Variants in UNC5C observed in about 807,000 individuals in gnomAD.
UNC5C encodes the protein netrin receptor UNC5C.
A neutral mutation model predicts 99.8 loss-of-function variants in UNC5C; 47 were observed. That is an observed-to-expected ratio of 0.47 (90% CI 0.37 to 0.60). UNC5C has a LOEUF of 0.60. UNC5C is among the 20% of genes least tolerant of loss of function. UNC5C has a pLI of 0.00. For missense variants in UNC5C, 1,062 were observed against 1,165.9 expected (o/e 0.91, Z 1.30); for synonymous variants, 487 against 452.2 (o/e 1.08, Z -0.98).
In UNC5C at chr4:95,183,052, A is replaced by T; in HGVS notation, c.2296T>A (p.Phe766Ile). Residue 766 changes from phenylalanine to isoleucine, a missense_variant, in exon 14 of 16, where the codon TTT becomes ATT. Phe to Ile is a conservative substitution (Grantham distance 21). Coordinates refer to ENST00000453304, the MANE Select transcript of UNC5C (RefSeq NM_003728.4). ...KLLAKYQEIP[F>I]YHVWSGSQRN... ...TGAGATCCACTCCAAACATGGTAAA[A>T]TGGAATTTCCTAAAGGATATGAAAG... 6.2e-7 allele frequency: 1 copy of T among 1,605,656 alleles called. No individual in the cohort carries two copies. The highest frequency in any genetic ancestry group is 8.5e-7 in the Non-Finnish European group (1 of 1,173,320).
At chr4:95,320,370 G>A (rs983760203) in intron 2 of UNC5C, among the ~76,000 whole-genome samples, 3 of 147,790 alleles carry the variant, frequency 2.0e-5, no homozygotes, top group African/African-American at 5.0e-5. Context: ...TGCAGTGAGC[G>A]GAGATCATGC....
intron 1 of UNC5C, among the ~76,000 whole-genome samples, chr4:95,365,684 T>C (rs1422297858): frequency 6.6e-6 from 1 of 152,060 alleles, no homozygotes; most frequent in East Asian, 1.9e-4. Context: ...CAGATCAATT[T>C]CTAACATACA....
intron 11 of UNC5C, among the ~76,000 whole-genome samples, chr4:95,205,678 T>C (rs112538154): frequency 1.4e-3 from 215 of 150,442 alleles, no homozygotes; most frequent in African/African-American, 5.0e-3. Context: ...AGTATAAATG[T>C]ATAGTATAGT....
intron 1 of UNC5C, among the ~76,000 whole-genome samples, chr4:95,381,586 A>T (rs555982323): frequency 2.2e-4 from 33 of 152,366 alleles, no homozygotes; most frequent in Admixed American, 1.9e-3. Flanking sequence ...TAACAAAAAA[A>T]TTAAATTTGG....
intron 4 of UNC5C, among the ~76,000 whole-genome samples, chr4:95,261,735 G>T (rs919808774): frequency 8.3e-5 from 12 of 145,172 alleles, no homozygotes. Flanking sequence ...ACGGTGTCTC[G>T]CTCTGTCGCC....
chr4:95,169,668 C>T (rs1736010019), intron 15 of UNC5C, among the ~76,000 whole-genome samples: 1 of 152,170 alleles, frequency 6.6e-6, no homozygotes, highest in Admixed American at 6.5e-5. Flanking sequence ...AATCAAGAGA[C>T]TTATGTTTTC....
chr4:95,308,270 C>T (rs941648856), intron 2 of UNC5C, among the ~76,000 whole-genome samples: 1 of 151,934 alleles, frequency 6.6e-6, no homozygotes, highest in Non-Finnish European at 1.5e-5. Context: ...GACACAAAAT[C>T]AACATATAAA....
chr4:95,429,522 C>A (rs1353479827), intron 1 of UNC5C, among the ~76,000 whole-genome samples: 1 of 151,866 alleles, frequency 6.6e-6, no homozygotes, highest in Non-Finnish European at 1.5e-5. Flanking sequence ...AAACTCAAAT[C>A]CTCCCACTTT....
At chr4:95,528,942 T>C (rs10021966) in intron 1 of UNC5C, among the ~76,000 whole-genome samples, 23,483 of 152,170 alleles carry the variant, frequency 0.15, 1,957 homozygotes, top group Admixed American at 0.24. Flanking sequence ...GATTTTTTTT[T>C]CTGAAAATTA....
Position 95,185,140 on chromosome 4 carries a change from A to G in UNC5C, c.2193T>C (p.Ala731=), listed in dbSNP as rs1456794496. The G allele has an allele frequency of 3.1e-6, 5 of 1,613,952 alleles. No individual in the cohort carries two copies. The South Asian group carries it at 5.5e-5, about 18-fold the overall frequency. Residue 731 remains alanine (A), a synonymous_variant, in exon 13 of 16, where the codon GCT becomes GCC. Coordinates refer to ENST00000453304, the MANE Select transcript of UNC5C (RefSeq NM_003728.4). ...MGGQLLEEPK[A]LHFKGSTHNL... is the part of the protein sequence containing the mutation. Reference sequence around the variant, plus strand: ...TGTGGGTGCTGCCTTTAAAATGAAGAGCCTTAGGTTCTTCTAGGAGCTGTC... The same window carrying G: ...TGTGGGTGCTGCCTTTAAAATGAAGGGCCTTAGGTTCTTCTAGGAGCTGTC...
In UNC5C at chr4:95,499,679, C is replaced by G. The variant is rs189325585; in HGVS notation, c.124+49055G>C. On this transcript the variant is annotated intron_variant, in intron 1 of 15. Coordinates refer to ENST00000453304, the MANE Select transcript of UNC5C (RefSeq NM_003728.4). The stretch of plus-strand genomic sequence containing the variant: ...GAGTCAATTACAGGAAACCTAAACC[C>G]CTTCAGTCTTCCAGGGAGACCAAAC... 8.9e-4 allele frequency among the ~76,000 whole-genome samples: 135 copies of G among 152,160 alleles called. 2 individuals carry two copies. In the Middle Eastern group the frequency reaches 0.02, roughly 23 times the overall value.
At chr4:95,461,566 A>G (rs965271832) in intron 1 of UNC5C, among the ~76,000 whole-genome samples, 2 of 152,240 alleles carry the variant, frequency 1.3e-5, no homozygotes, top group African/African-American at 4.8e-5. Context: ...GATTAATAGA[A>G]TTAACTGTTA....
chr4:95,184,781 A>G (rs913192901), intron 13 of UNC5C, among the ~76,000 whole-genome samples: 3 of 152,168 alleles, frequency 2.0e-5, no homozygotes, highest in African/African-American at 7.2e-5. Context: ...TAGTATGAAA[A>G]TTAATTGAAA....
chr4:95,326,662 C>T (rs1389759502), intron 2 of UNC5C, among the ~76,000 whole-genome samples: 2 of 152,020 alleles, frequency 1.3e-5, no homozygotes, highest in Non-Finnish European at 2.9e-5. Flanking sequence ...GATGGAAAGG[C>T]AAAGAGTAAT....
At chr4:95,379,604 A>G (rs537435164) in intron 1 of UNC5C, among the ~76,000 whole-genome samples, 18 of 152,318 alleles carry the variant, frequency 1.2e-4, no homozygotes, top group African/African-American at 4.1e-4. Flanking sequence ...AAATATCCCC[A>G]GTGGACTCTG....
intron 3 of UNC5C, among the ~76,000 whole-genome samples, chr4:95,290,074 T>C (rs187801322): frequency 1.3e-5 from 2 of 152,180 alleles, no homozygotes; most frequent in African/African-American, 4.8e-5. Context: ...GAGGCCAAGA[T>C]TGGGGATCGC....
chr4:95,490,044 G>A (rs1560482472), intron 1 of UNC5C, among the ~76,000 whole-genome samples: 1 of 136,780 alleles, frequency 7.3e-6, no homozygotes, highest in Admixed American at 7.4e-5. Context: ...AAGAGAAGGG[G>A]ACCCCAGATG....
chr4:95,177,591 C>T (rs2149347615), intron 14 of UNC5C, among the ~76,000 whole-genome samples: 1 of 152,302 alleles, frequency 6.6e-6, no homozygotes, highest in South Asian at 2.1e-4. Context: ...CAGGGTCAAT[C>T]CAGGGGTGTG....
At chr4:95,249,471 T>C (rs1289343010) in intron 5 of UNC5C, among the ~76,000 whole-genome samples, 2 of 152,196 alleles carry the variant, frequency 1.3e-5, no homozygotes, top group Non-Finnish European at 2.9e-5. Context: ...TTCAATTTCC[T>C]CTGAGACAGT....
Sources: gnomAD v4.1 joint callset for allele counts (sites outside exome capture counted in the v4.1 genomes callset) on GRCh38, gnomAD v4.1.1 for gene constraint, MANE v1.5 for transcripts, NCBI Gene and HGNC (gene_info 2026-07-23, HGNC 2026-07-21) for gene names.